PPP1CC: variants seen among roughly 807,000 people sequenced by gnomAD.
The protein encoded by PPP1CC is serine/threonine-protein phosphatase PP1-gamma catalytic subunit.
Under a neutral mutation model 38.4 loss-of-function variants are expected in PPP1CC, and 16 were observed. The ratio of observed to expected loss-of-function variants is 0.42; its 90% CI spans 0.28 to 0.63. The LOEUF (loss-of-function observed/expected upper bound fraction) is 0.63, where lower values mean the gene tolerates loss of function less well. Among genes scored for constraint, PPP1CC ranks in the 30% least tolerant of loss-of-function variants. The pLI is 0.25. For synonymous variants in PPP1CC, 158 were observed against 136.0 expected (o/e 1.16, Z -1.13); for missense variants, 170 against 391.3 (o/e 0.43, Z 4.77).
At chr12:110,733,221 T>C (rs7301769) in intron 1 of PPP1CC, among the ~76,000 whole-genome samples, 25,169 of 152,168 alleles carry the variant, frequency 0.17, 3,081 homozygotes, top group African/African-American at 0.35. Flanking sequence ...GATTTCACCA[T>C]AAGTTAACCA....
chr12:110,720,022 T>G lies in PPP1CC; in HGVS notation c.*1054A>C. On this transcript the variant is annotated 3_prime_UTR_variant, in exon 7 of 7. Transcript: ENST00000335007. ...GATCTTAGTTTAAAAAAGTCATAGG[T>G]ACTGTGAGTTCTGTATAAACTGGTG... The G allele has an allele frequency of 2.3e-6, 2 of 878,114 alleles. No homozygotes were observed. Among genetic ancestry groups the G allele is most frequent in the Non-Finnish European group, 3.4e-6 (2 of 581,766 alleles). 54.4% of individuals were successfully genotyped at this position (878,114 alleles called of 1,614,324 possible).
chr12:110,731,910 G>C lies in PPP1CC; in HGVS notation c.56-9C>G, dbSNP rs762746302. ...AGGCTTGGACCCTCTCACTGCAAGA[G>C]AAAAATCGCAATTAGTCCAATGAAG... On this transcript the variant is annotated splice_polypyrimidine_tract_variant and intron_variant, in intron 1 of 6. Coordinates refer to ENST00000335007, the MANE Select transcript of PPP1CC (RefSeq NM_002710.4). 2.5e-6 allele frequency: 4 copies of C among 1,608,288 alleles called. No individual in the cohort carries two copies. The highest frequency in any genetic ancestry group is 3.4e-6 in the Non-Finnish European group (4 of 1,175,746).
At position 110,720,079 on chromosome 12, in the gene PPP1CC, T is replaced by TAA. The variant is rs1052507018; in HGVS notation, c.*995_*996dup. ...AAGTTAGTTCCTTTGTTTTAACTTA[T>TAA]AAGCCTCAACTTCACCGCAGAATAA... On this transcript the variant is annotated 3_prime_UTR_variant, in exon 7 of 7. Coordinates refer to ENST00000335007, the MANE Select transcript of PPP1CC (RefSeq NM_002710.4). 16 of 1,461,174 alleles carry TAA rather than the reference T, an allele frequency of 1.1e-5. No homozygotes were observed. In the African/African-American group the frequency reaches 1.8e-4, roughly 17 times the overall value. The allele number at this position is 1,461,174 out of a possible 1,614,324, so 90.5% of individuals were successfully genotyped here.
the PPP1CC span, among the ~76,000 whole-genome samples, chr12:110,710,523 C>A: frequency 2.0e-5 from 3 of 150,110 alleles, no homozygotes; most frequent in Admixed American, 6.6e-5. Flanking sequence ...TTGAGACCAT[C>A]CTGGCTAACA....
At chr12:110,730,945 T>G (rs1310330088) in intron 2 of PPP1CC, among the ~76,000 whole-genome samples, 186 bp from the exon 3 acceptor site, 1 of 152,188 alleles carries the variant, frequency 6.6e-6, no homozygotes, top group Non-Finnish European at 1.5e-5. Context: ...CAACTGAGCT[T>G]AACAAAAATT....
chr12:110,709,873 G>A, the PPP1CC span, among the ~76,000 whole-genome samples: 1 of 148,862 alleles, frequency 6.7e-6, no homozygotes, highest in African/African-American at 2.5e-5. Context: ...AAAAAGATTA[G>A]CAAGAAATAA....
chr12:110,722,474 G>A lies in PPP1CC; in HGVS notation c.745C>T (p.Gln249Ter). 6.2e-7 allele frequency: 1 copy of A among 1,613,846 alleles called. No homozygotes were observed. The highest frequency in any genetic ancestry group is 8.5e-7 in the Non-Finnish European group (1 of 1,179,760). Reference protein sequence around the residue: ...HDLDLICRAHQVVEDGYEFFA... With the variant: ...HDLDLICRAH ...CATGTAAAATTCAAAATCAATACCT[G>A]ATGGGCTCTACATATAAGATCCAAA... The change falls in exon 5 of 7, where the codon CAG becomes TAG. Residue 249 changes from glutamine (Q) to a stop codon, truncating the protein, a stop_gained and splice_region_variant. Transcript: ENST00000335007. LOFTEE classifies it high-confidence loss of function. The surrounding 1 kb of genome is among the most constrained non-coding windows in gnomAD (Gnocchi z 5.4).
chr12:110,722,648 G>A lies in PPP1CC; in HGVS notation c.571C>T (p.Arg191Ter), dbSNP rs866672821. ...CCTTGATCTGGTACATCAGTTGGTCGCATAATTCGCCGAATCTGCTCCATA... is the reference window on the plus strand; with the variant it reads ...CCTTGATCTGGTACATCAGTTGGTCACATAATTCGCCGAATCTGCTCCATA... ...QSMEQIRRIMRPTDVPDQGLL... is the reference protein window; with the variant it reads ...QSMEQIRRIM The change falls in exon 5 of 7, where the codon CGA (arginine) becomes TGA (stop). Residue 191 changes from arginine to a stop codon, truncating the protein, a stop_gained. Coordinates refer to ENST00000335007, the MANE Select transcript of PPP1CC (RefSeq NM_002710.4). LOFTEE classifies it high-confidence loss of function. The surrounding 1 kb of genome is among the most constrained non-coding windows in gnomAD (Gnocchi z 5.4). The A allele has an allele frequency of 3.1e-6, 5 of 1,613,612 alleles. No homozygotes were observed. Among genetic ancestry groups the A allele is most frequent in the Non-Finnish European group, 3.4e-6 (4 of 1,179,950 alleles).
At position 110,729,192 on chromosome 12, in the gene PPP1CC, C is replaced by G. The variant is rs1410504136; in HGVS notation, c.418+1337G>C. On this transcript the variant is annotated intron_variant, in intron 3 of 6. Transcript: ENST00000335007. ...CTTTACTGAACTGATATTTTCAAAG[C>G]TTTTTTTTTTTTTTTTTTTTGAGAC... Among the ~76,000 whole-genome samples, 8 of 120,288 alleles carry G rather than the reference C, an allele frequency of 6.7e-5. 1 individual carries two copies. The highest frequency in any genetic ancestry group is 1.2e-4 in the Non-Finnish European group (7 of 59,018). 78.9% of individuals were successfully genotyped at this position (120,288 alleles called of 152,430 possible). A position where few individuals can be genotyped will look rare whatever the true frequency, so the allele number is the denominator to read the frequency against.
chr12:110,718,313 C>G (rs1204897032), downstream of PPP1CC, among the ~76,000 whole-genome samples: 1 of 152,202 alleles, frequency 6.6e-6, no homozygotes, highest in African/African-American at 2.4e-5. Flanking sequence ...TAGCACCTGC[C>G]TTTCTGTATG....
downstream of PPP1CC, among the ~76,000 whole-genome samples, chr12:110,716,697 G>T (rs1002821211): frequency 1.3e-5 from 2 of 152,182 alleles, no homozygotes; most frequent in Non-Finnish European, 1.5e-5. Flanking sequence ...ATGATTAACT[G>T]AAGTGCTTTA....
intron 1 of PPP1CC, among the ~76,000 whole-genome samples, chr12:110,736,066 A>AACAG (rs1338126581): frequency 2.0e-5 from 3 of 150,330 alleles, no homozygotes; most frequent in Non-Finnish European, 4.5e-5. Context: ...TTTGTCTCAA[A>AACAG]ACAAACAAAC....
the PPP1CC span, among the ~76,000 whole-genome samples, chr12:110,709,322 C>T: frequency 6.6e-6 from 1 of 151,842 alleles, no homozygotes; most frequent in African/African-American, 2.4e-5. Context: ...CTCCACCTCC[C>T]GGGTTCAAGC....
At chr12:110,739,890 G>A (rs2069995331) in intron 1 of PPP1CC, among the ~76,000 whole-genome samples, 1 of 152,196 alleles carries the variant, frequency 6.6e-6, no homozygotes, top group Non-Finnish European at 1.5e-5. Context: ...CCGTTTTACT[G>A]TGTAGTTATT....
At chr12:110,730,354 G>A (rs569527502) in intron 3 of PPP1CC, among the ~76,000 whole-genome samples, 175 bp downstream of exon 3, 5 of 152,096 alleles carry the variant, frequency 3.3e-5, no homozygotes, top group South Asian at 2.1e-4. Context: ...GTGAGACTCC[G>A]TTCCCCCACC....
intron 3 of PPP1CC, among the ~76,000 whole-genome samples, chr12:110,729,264 G>A (rs1373620996): frequency 7.9e-6 from 1 of 126,406 alleles, no homozygotes; most frequent in Non-Finnish European, 1.6e-5. Context: ...GTGTGATTTT[G>A]GCTCACTGCA....
intron 1 of PPP1CC, 145 bp downstream of exon 1, chr12:110,742,508 C>T: frequency 1.6e-6 from 1 of 640,514 alleles, no homozygotes; most frequent in South Asian, 5.0e-5. Flanking sequence ...GGCTGCAGTC[C>T]CCGGCCCGTG....
At chr12:110,714,056 G>C in the PPP1CC span, among the ~76,000 whole-genome samples, 1 of 152,090 alleles carries the variant, frequency 6.6e-6, no homozygotes, top group Non-Finnish European at 1.5e-5. Flanking sequence ...CCAAGATTGT[G>C]CCACTGCACT....
In PPP1CC at chr12:110,730,445, A is replaced by G. The variant is rs932935392; in HGVS notation, c.418+84T>C. On this transcript the variant is annotated intron_variant, in intron 3 of 6. Coordinates refer to ENST00000335007, the MANE Select transcript of PPP1CC (RefSeq NM_002710.4). ...ATACCACTGCATCTAAACTCTCACA[A>G]TTCCTAACAGAAGTATGTGATAATT... The G allele has an allele frequency of 2.8e-5, 31 of 1,112,436 alleles. No individual in the cohort carries two copies. The South Asian group carries it at 4.2e-4, about 15-fold the overall frequency. 68.9% of individuals were successfully genotyped at this position (1,112,436 alleles called of 1,614,324 possible).
Sources: allele counts gnomAD v4.1 joint callset (sites outside exome capture counted in the v4.1 genomes callset), GRCh38; gene constraint gnomAD v4.1.1; non-coding constraint Gnocchi (gnomAD v3.1); transcripts MANE v1.5; gene names NCBI Gene and HGNC (gene_info 2026-07-23, HGNC 2026-07-21).